The following ZNF804B variants were observed in gnomAD, a reference collection of about 807,000 sequenced individuals.
The protein encoded by ZNF804B is zinc finger protein 804B.
A neutral mutation model predicts 101.4 loss-of-function variants in ZNF804B; 80 were observed. The observed-to-expected ratio is 0.79, with a 90% CI of 0.66 to 0.95. The LOEUF (loss-of-function observed/expected upper bound fraction) is 0.95, where lower values mean the gene tolerates loss of function less well. Ranked by LOEUF, ZNF804B falls within the 40% of genes least tolerant of loss-of-function variation. The pLI is 0.00. For missense variants in ZNF804B, 1,673 were observed against 1,561.9 expected, an observed-to-expected ratio of 1.07 and a Z score of -1.20; for synonymous variants, 622 against 558.8, an observed-to-expected ratio of 1.11 and a Z score of -1.59.
chr7:89,253,479 T>C (rs1789574124), intron 2 of ZNF804B, among the ~76,000 whole-genome samples: 1 of 152,166 alleles, frequency 6.6e-6, no homozygotes, highest in South Asian at 2.1e-4. Context: ...TGTAAACATA[T>C]ATATGAAATG....
intron 1 of ZNF804B, among the ~76,000 whole-genome samples, chr7:88,833,960 TAAAAAA>T (rs977572631): frequency 6.6e-6 from 1 of 151,746 alleles, no homozygotes; most frequent in Non-Finnish European, 1.5e-5. Context: ...AGAGTACAAT[TAAAAAA>T]AGAAAAAACA....
chr7:89,156,095 T>TTCTTTCTC (rs201080227), intron 1 of ZNF804B, among the ~76,000 whole-genome samples: 1,711 of 147,900 alleles, frequency 0.012, 41 homozygotes, highest in African/African-American at 0.024. Flanking sequence ...TTTCCTTTCT[T>TTCTTTCTC]TCTTTCTCTC....
chr7:89,337,990 T>C lies in ZNF804B; in HGVS notation c.*958T>C, dbSNP rs1055887842. ...GATATCTTATTAAATATCTGGTGTG[T>C]TTTATTCAATTGTACTAGATATTTA... is the stretch of plus-strand genomic sequence containing the variant. On this transcript the variant is annotated 3_prime_UTR_variant, in exon 4 of 4. Transcript: ENST00000333190. 3.3e-4 allele frequency among the ~76,000 whole-genome samples: 50 copies of C among 152,070 alleles called. No homozygotes were observed. The highest frequency in any genetic ancestry group is 1.1e-3 in the African/African-American group (45 of 41,424).
intron 2 of ZNF804B, among the ~76,000 whole-genome samples, chr7:89,253,983 G>A (rs1789583382): frequency 1.3e-5 from 2 of 151,914 alleles, no homozygotes; most frequent in Non-Finnish European, 2.9e-5. Context: ...AAAAAAGAAG[G>A]GAACTCCCCT....
chr7:89,016,687 A>G (rs1309112908), intron 1 of ZNF804B, among the ~76,000 whole-genome samples: 1 of 151,902 alleles, frequency 6.6e-6, no homozygotes, highest in Non-Finnish European at 1.5e-5. Flanking sequence ...GTTCTGTTCC[A>G]TTGATTTATA....
intron 2 of ZNF804B, among the ~76,000 whole-genome samples, chr7:89,283,402 A>G (rs991819055): frequency 5.9e-5 from 9 of 152,164 alleles, no homozygotes; most frequent in Non-Finnish European, 1.0e-4. Context: ...AAAAACTATA[A>G]ATGTGTATGT....
At chr7:89,037,690 A>T (rs564158198) in intron 1 of ZNF804B, among the ~76,000 whole-genome samples, 1 of 151,900 alleles carries the variant, frequency 6.6e-6, no homozygotes, top group South Asian at 2.1e-4. Flanking sequence ...TCTCTTTGTA[A>T]ATTTCAAGTA....
rs1790911606 is a variant in ZNF804B, at chr7:89,327,377, C to T, written c.283C>T (p.Arg95Ter). The change falls in exon 3 of 4, where the codon CGA (arginine) becomes TGA (stop). Residue 95 changes from arginine (R) to a stop codon, truncating the protein, a stop_gained. Coordinates refer to ENST00000333190, the MANE Select transcript of ZNF804B (RefSeq NM_181646.5). LOFTEE classifies it high-confidence loss of function. The part of the protein sequence containing the change: ...LKELKQREFA[R>*]NVASKSWKDE... ...AGAATTAAAGCAACGGGAATTTGCT[C>T]GAAATGTAGCTTCTAAGTCATGGAA... 1.4e-5 allele frequency: 23 copies of T among 1,606,960 alleles called. No homozygotes were observed. Among genetic ancestry groups the T allele is most frequent in the South Asian group, 3.4e-5 (3 of 89,348 alleles).
rs1188110661 is a variant in ZNF804B, at chr7:88,937,816, A to T, written c.108+177732A>T. Among the ~76,000 whole-genome samples the T allele has an allele frequency of 3.3e-5, 5 of 152,198 alleles. No homozygotes were observed. The South Asian group carries it at 1.0e-3, about 32-fold the overall frequency. On this transcript the variant is annotated intron_variant, in intron 1 of 3. Coordinates refer to ENST00000333190, the MANE Select transcript of ZNF804B (RefSeq NM_181646.5). ...ATAGTCCAAAGCCCTACCCAAGTTT[A>T]ACTGCAGCATGTTAAAACAAAGAAA... is the stretch of plus-strand genomic sequence containing the variant.
chr7:89,130,805 G>A (rs1237315418), intron 1 of ZNF804B, among the ~76,000 whole-genome samples: 3 of 151,936 alleles, frequency 2.0e-5, no homozygotes, highest in Non-Finnish European at 2.9e-5. Flanking sequence ...AACATGAGGT[G>A]ATTTTTATAC....
At chr7:89,278,057 T>C (rs1157437086) in intron 2 of ZNF804B, among the ~76,000 whole-genome samples, 1 of 152,238 alleles carries the variant, frequency 6.6e-6, no homozygotes, top group Non-Finnish European at 1.5e-5. Context: ...TGGTGTAAGA[T>C]GATATCTCAT....
chr7:89,169,065 C>T (rs573025508), intron 1 of ZNF804B, among the ~76,000 whole-genome samples: 15 of 152,210 alleles, frequency 9.9e-5, no homozygotes, highest in Admixed American at 2.0e-4. Context: ...TCAATCAGGA[C>T]GAACCCGGGC....
At chr7:89,220,340 C>A (rs910960756) in intron 2 of ZNF804B, among the ~76,000 whole-genome samples, 1 of 151,458 alleles carries the variant, frequency 6.6e-6, no homozygotes, top group Non-Finnish European at 1.5e-5. Context: ...GTGTGCATAA[C>A]AATGACCTCA....
intron 1 of ZNF804B, among the ~76,000 whole-genome samples, chr7:89,010,897 C>G (rs902732168): frequency 2.0e-5 from 3 of 152,264 alleles, no homozygotes; most frequent in African/African-American, 7.2e-5. Flanking sequence ...CAGGAAAAGT[C>G]CACAATGTTC....
At chr7:89,161,626 C>A (rs9785037) in intron 1 of ZNF804B, among the ~76,000 whole-genome samples, 31,071 of 151,420 alleles carry the variant, frequency 0.21, 3,392 homozygotes, top group Middle Eastern at 0.39. Flanking sequence ...TGGGCTCAAG[C>A]GATCCTCCCA....
intron 1 of ZNF804B, among the ~76,000 whole-genome samples, chr7:89,005,339 C>T (rs1788356296): frequency 1.3e-5 from 2 of 151,970 alleles, no homozygotes; most frequent in Admixed American, 6.6e-5. Context: ...GAGAACATCA[C>T]AGATTTTGTT....
chr7:89,143,294 C>A (rs570177477), intron 1 of ZNF804B, among the ~76,000 whole-genome samples: 5 of 151,856 alleles, frequency 3.3e-5, no homozygotes, highest in African/African-American at 9.6e-5. Context: ...TTCTCCTTCT[C>A]CAGGACATGT....
At chr7:89,304,405 T>C (rs1790529722) in intron 2 of ZNF804B, among the ~76,000 whole-genome samples, 1 of 151,962 alleles carries the variant, frequency 6.6e-6, no homozygotes, top group Admixed American at 6.6e-5. Context: ...TCCTTTATTG[T>C]AATAGTCTTG....
chr7:89,316,400 A>G (rs960376128), intron 2 of ZNF804B, among the ~76,000 whole-genome samples: 2 of 152,152 alleles, frequency 1.3e-5, no homozygotes, highest in Non-Finnish European at 1.5e-5. Flanking sequence ...CCAATGTAAA[A>G]GGGCTCCCTT....
Sources: allele counts gnomAD v4.1 joint callset (sites outside exome capture counted in the v4.1 genomes callset), GRCh38; gene constraint gnomAD v4.1.1; transcripts MANE v1.5; gene names NCBI Gene and HGNC (gene_info 2026-07-23, HGNC 2026-07-21).